Variants in BCL2L14 observed in about 807,000 individuals in gnomAD.
The protein encoded by BCL2L14 is apoptosis facilitator Bcl-2-like protein 14.
Under a neutral mutation model 35.3 loss-of-function variants are expected in BCL2L14, and 27 were observed. The ratio of observed to expected loss-of-function variants is 0.76; its 90% CI spans 0.56 to 1.05. The LOEUF (loss-of-function observed/expected upper bound fraction) is 1.05. Among genes scored for constraint, BCL2L14 ranks in the 50% least tolerant of loss-of-function variants. BCL2L14 has a pLI of 0.00. For synonymous variants in BCL2L14, 139 were observed against 145.9 expected (o/e 0.95, Z 0.34); for missense variants, 377 against 382.6 (o/e 0.99, Z 0.12).
chr12:12,061,815 C>G (rs1223924009), intron 2 of BCL2L14, among the ~76,000 whole-genome samples: 3 of 152,172 alleles, frequency 2.0e-5, no homozygotes, highest in Admixed American at 1.3e-4. Context: ...TGTTACCTAT[C>G]TCAGCATAAT....
chr12:12,059,059 C>A (rs2136711949), intron 2 of BCL2L14, among the ~76,000 whole-genome samples: 1 of 152,314 alleles, frequency 6.6e-6, no homozygotes, highest in African/African-American at 2.4e-5. Flanking sequence ...CTGGTAGAGA[C>A]AAAGGAGACA....
chr12:12,050,810 A>AG (rs72030788), intron 1 of BCL2L14, among the ~76,000 whole-genome samples: 108 of 110,094 alleles, frequency 9.8e-4, no homozygotes, highest in African/African-American at 2.6e-3. Context: ...AAAAAAAAAA[A>AG]AAAGAAAAGA....
intron 2 of BCL2L14, among the ~76,000 whole-genome samples, chr12:12,065,463 G>T (rs1310428938): frequency 6.6e-6 from 1 of 151,762 alleles, no homozygotes; most frequent in Non-Finnish European, 1.5e-5. Flanking sequence ...TTGAACCGGG[G>T]AGGCGGAGGT....
upstream of BCL2L14, among the ~76,000 whole-genome samples, chr12:12,067,022 T>C (rs1169257380): frequency 6.6e-6 from 1 of 151,918 alleles, no homozygotes; most frequent in Non-Finnish European, 1.5e-5. Context: ...AAACAAAACA[T>C]TTAAAAATAG....
upstream of BCL2L14, chr12:12,067,995 CCAT>C: frequency 2.6e-6 from 1 of 380,532 alleles, no homozygotes; most frequent in Non-Finnish European, 4.6e-6. Context: ...TGCAGTGGTG[CCAT>C]CATGGCTCAT....
chr12:12,078,270 A>G (rs1948825050), intron 1 of BCL2L14, among the ~76,000 whole-genome samples: 1 of 152,164 alleles, frequency 6.6e-6, no homozygotes, highest in South Asian at 2.1e-4. Context: ...AGAGAGAGAG[A>G]GGAGAGAGAA....
chr12:12,094,370 G>A, intron 4 of BCL2L14: 1 of 743,896 alleles, frequency 1.3e-6, no homozygotes, highest in Non-Finnish European at 2.3e-6. Flanking sequence ...CCGCATCTCA[G>A]TCATCCATAC....
chr12:12,055,920 G>T (rs1233804730), intron 2 of BCL2L14: 1 of 152,034 alleles, frequency 6.6e-6, no homozygotes, highest in Non-Finnish European at 1.5e-5. Flanking sequence ...GCCCAATCAG[G>T]CCCCATCCTT....
At chr12:12,097,203 C>T (rs760773300) in intron 5 of BCL2L14, among the ~76,000 whole-genome samples, 1 of 151,916 alleles carries the variant, frequency 6.6e-6, no homozygotes, top group Non-Finnish European at 1.5e-5. Context: ...GATATATACC[C>T]AAGAAAGTTG....
At chr12:12,070,670 C>G (rs1948655497), upstream of BCL2L14, among the ~76,000 whole-genome samples, 1 of 150,446 alleles carries the variant, frequency 6.6e-6, no homozygotes, top group Non-Finnish European at 1.5e-5. Context: ...GAGTGAAACT[C>G]TGTCTCAAAA....
chr12:12,097,092 C>A (rs562548575), intron 5 of BCL2L14, among the ~76,000 whole-genome samples: 1 of 152,196 alleles, frequency 6.6e-6, no homozygotes, highest in Admixed American at 6.5e-5. Context: ...TTGCAGTGAG[C>A]CAAGATCGCG....
intron 3 of BCL2L14, among the ~76,000 whole-genome samples, chr12:12,087,747 C>T (rs964460856): frequency 3.9e-4 from 60 of 152,188 alleles, no homozygotes; most frequent in African/African-American, 1.4e-3. Flanking sequence ...ACAGTTGGAG[C>T]GTCAAGCCAG....
intron 2 of BCL2L14, among the ~76,000 whole-genome samples, chr12:12,084,347 T>C (rs1645626096): frequency 6.6e-6 from 1 of 152,104 alleles, no homozygotes; most frequent in Middle Eastern, 3.2e-3. Flanking sequence ...GCCCAGGGAA[T>C]ATAGTTTGTT....
intron 1 of BCL2L14, among the ~76,000 whole-genome samples, chr12:12,074,338 G>C (rs1304621747): frequency 6.6e-6 from 1 of 152,194 alleles, no homozygotes; most frequent in African/African-American, 2.4e-5. Flanking sequence ...TCTAGGTGCT[G>C]GGGAAGCCAG....
intron 2 of BCL2L14, among the ~76,000 whole-genome samples, chr12:12,058,733 G>A (rs561680577): frequency 2.8e-4 from 43 of 152,258 alleles, no homozygotes; most frequent in Admixed American, 1.4e-3. Context: ...AAACAGCCAT[G>A]TTGCTCACAC....
chr12:12,059,186 T>C (rs1175858734), intron 2 of BCL2L14, among the ~76,000 whole-genome samples: 5 of 152,188 alleles, frequency 3.3e-5, no homozygotes, highest in Admixed American at 2.6e-4. Context: ...GTTTCAGAGG[T>C]GTCAGACCAC....
At chr12:12,053,819 T>C (rs536320933) in intron 2 of BCL2L14, among the ~76,000 whole-genome samples, 1 of 152,184 alleles carries the variant, frequency 6.6e-6, no homozygotes, top group Non-Finnish European at 1.5e-5. Flanking sequence ...GACAATCACC[T>C]AAAAACCCCT....
At chr12:12,061,257 G>T (rs1443816498) in intron 2 of BCL2L14, among the ~76,000 whole-genome samples, 1 of 151,308 alleles carries the variant, frequency 6.6e-6, no homozygotes. Flanking sequence ...TCCTCCCCTT[G>T]TATCTCCCCA....
chr12:12,053,763 C>T (rs1272610093), intron 2 of BCL2L14, among the ~76,000 whole-genome samples: 1 of 152,166 alleles, frequency 6.6e-6, no homozygotes. Flanking sequence ...TCAGACGACA[C>T]TGGCTTCCTT....
Sources: gnomAD v4.1 joint callset for allele counts (sites outside exome capture counted in the v4.1 genomes callset) on GRCh38, gnomAD v4.1.1 for gene constraint, MANE v1.5 for transcripts, NCBI Gene and HGNC (gene_info 2026-07-23, HGNC 2026-07-21) for gene names.